Variants in FGF1 observed in about 807,000 individuals in gnomAD.
FGF1 encodes the protein beta-endothelial cell growth factor.
Under a neutral mutation model 13.4 loss-of-function variants are expected in FGF1, and 9 were observed. That is an observed-to-expected ratio of 0.67 (90% CI 0.40 to 1.17). The LOEUF (loss-of-function observed/expected upper bound fraction) is 1.17. FGF1 is among the 50% of genes most tolerant of loss of function. The probability of loss-of-function intolerance (pLI) is 0.01; values close to 1 mark genes in which losing one functional copy is unlikely to be tolerated. For missense variants in FGF1, 156 were observed against 192.7 expected, an observed-to-expected ratio of 0.81 and a Z score of 1.13; for synonymous variants, 93 against 79.0, an observed-to-expected ratio of 1.18 and a Z score of -0.94.
chr5:142,602,333 T>G (rs1209428336), intron 2 of FGF1, among the ~76,000 whole-genome samples: 1 of 152,002 alleles, frequency 6.6e-6, no homozygotes, highest in African/African-American at 2.4e-5. Context: ...TGCACCACCA[T>G]GCCCGGCTAA....
intron 1 of FGF1, among the ~76,000 whole-genome samples, chr5:142,639,915 G>A (rs1375995812): frequency 6.6e-6 from 1 of 151,908 alleles, no homozygotes; most frequent in Non-Finnish European, 1.5e-5. Context: ...AGGATGGTGG[G>A]AGGGATAAAT....
intron 1 of FGF1, among the ~76,000 whole-genome samples, chr5:142,647,861 A>T (rs1766449386): frequency 1.3e-5 from 2 of 152,136 alleles, no homozygotes; most frequent in South Asian, 4.1e-4. Context: ...AGGTGGGCAG[A>T]TCACTTGAGG....
chr5:142,653,284 C>T (rs1183697150), intron 1 of FGF1, among the ~76,000 whole-genome samples: 2 of 152,112 alleles, frequency 1.3e-5, no homozygotes, highest in Non-Finnish European at 2.9e-5. Context: ...ACAACAGTCA[C>T]GGCAGCCGGT....
At chr5:142,669,336 C>G (rs916861209) in intron 1 of FGF1, among the ~76,000 whole-genome samples, 3 of 152,274 alleles carry the variant, frequency 2.0e-5, no homozygotes, top group Non-Finnish European at 4.4e-5. Flanking sequence ...GCCCTCAAGT[C>G]TTCTTGACTA....
chr5:142,617,405 T>C (rs1431088839), intron 1 of FGF1, among the ~76,000 whole-genome samples: 2 of 151,896 alleles, frequency 1.3e-5, no homozygotes, highest in East Asian at 1.9e-4. Context: ...TTCTAGACCA[T>C]GTGTGTATGA....
chr5:142,657,846 C>A (rs1270124656), intron 1 of FGF1, among the ~76,000 whole-genome samples: 1 of 152,204 alleles, frequency 6.6e-6, no homozygotes, highest in Non-Finnish European at 1.5e-5. Flanking sequence ...TAGTATCTTG[C>A]CCTGGCTTCT....
At chr5:142,660,797 G>T (rs1769079815) in intron 1 of FGF1, among the ~76,000 whole-genome samples, 1 of 152,198 alleles carries the variant, frequency 6.6e-6, no homozygotes, top group African/African-American at 2.4e-5. Flanking sequence ...AAATCCCACA[G>T]TCTATCTGCC....
chr5:142,616,971 T>G (rs1419564240), intron 1 of FGF1, among the ~76,000 whole-genome samples: 4 of 152,232 alleles, frequency 2.6e-5, no homozygotes, highest in Non-Finnish European at 5.9e-5. Context: ...TCATTTGTAT[T>G]GTCAATCTTA....
intron 2 of FGF1, among the ~76,000 whole-genome samples, chr5:142,611,987 T>C (rs1324866934): frequency 1.3e-5 from 2 of 152,220 alleles, no homozygotes; most frequent in Non-Finnish European, 2.9e-5. Flanking sequence ...CTCACTATAT[T>C]ATCTCATTTA....
At chr5:142,671,503 G>T (rs896429731) in intron 1 of FGF1, among the ~76,000 whole-genome samples, 1 of 152,244 alleles carries the variant, frequency 6.6e-6, no homozygotes, top group African/African-American at 2.4e-5. Context: ...GTGAGCAACA[G>T]AATTATTCAA....
At chr5:142,637,662 G>C (rs1020734466) in intron 1 of FGF1, among the ~76,000 whole-genome samples, 1 of 152,016 alleles carries the variant, frequency 6.6e-6, no homozygotes, top group Non-Finnish European at 1.5e-5. Context: ...GGGAGCCAGA[G>C]CTCCCTCATT....
At chr5:142,602,696 G>A (rs1293979026) in intron 2 of FGF1, among the ~76,000 whole-genome samples, 2 of 151,868 alleles carry the variant, frequency 1.3e-5, no homozygotes, top group Non-Finnish European at 2.9e-5. Context: ...GTAATGTACT[G>A]AGCACACAGT....
At chr5:142,619,687 G>A (rs250113) in intron 1 of FGF1, among the ~76,000 whole-genome samples, 98,743 of 151,858 alleles carry the variant, frequency 0.65, 32,986 homozygotes, top group East Asian at 0.87. Context: ...TACAAAATTA[G>A]CCGGGCATGG....
chr5:142,689,494 A>T (rs548910682), upstream of FGF1, among the ~76,000 whole-genome samples: 6 of 152,216 alleles, frequency 3.9e-5, 1 homozygote, highest in East Asian at 9.7e-4. Context: ...AGCTGAGTCC[A>T]ATGACCCTCA....
intron 1 of FGF1, among the ~76,000 whole-genome samples, chr5:142,645,898 GT>G (rs991895390): frequency 6.6e-6 from 1 of 152,056 alleles, no homozygotes; most frequent in African/African-American, 2.4e-5. Context: ...CCCTTACTTT[GT>G]TTTTTTGTTT....
chr5:142,616,257 G>A (rs1375509699), intron 1 of FGF1, among the ~76,000 whole-genome samples: 1 of 152,178 alleles, frequency 6.6e-6, no homozygotes, highest in African/African-American at 2.4e-5. Context: ...GCATTTTAAT[G>A]TTTCTGGTAC....
At chr5:142,624,358 C>T (rs1024530253) in intron 1 of FGF1, among the ~76,000 whole-genome samples, 10 of 152,224 alleles carry the variant, frequency 6.6e-5, no homozygotes, top group East Asian at 1.9e-4. Context: ...TAAGCCATCA[C>T]GCCTGGCCCA....
At position 142,600,321 on chromosome 5, in the gene FGF1, C is replaced by CA. The variant is rs1756227249; in HGVS notation, c.273+380dup. ...AGGCTTCAGTGAGTCATGATTGTGC[C>CA]ACTGCACTCCAGCCTGGGCGACAGA... is the stretch of plus-strand genomic sequence containing the variant. On this transcript the variant is annotated intron_variant, in intron 3 of 3. Transcript: ENST00000337706. Among the ~76,000 whole-genome samples the CA allele has an allele frequency of 2.0e-5, 3 of 152,206 alleles. No homozygotes were observed. In the South Asian group the frequency reaches 6.2e-4, roughly 32 times the overall value.
At chr5:142,606,443 C>A (rs1395379171) in intron 2 of FGF1, among the ~76,000 whole-genome samples, 1 of 150,048 alleles carries the variant, frequency 6.7e-6, no homozygotes, top group African/African-American at 2.5e-5. Flanking sequence ...GGTGAAACCC[C>A]GTCTCTACTA....
Sources: gnomAD v4.1 joint callset for allele counts (sites outside exome capture counted in the v4.1 genomes callset) on GRCh38, gnomAD v4.1.1 for gene constraint, MANE v1.5 for transcripts, NCBI Gene and HGNC (gene_info 2026-07-23, HGNC 2026-07-21) for gene names.